Variants in GAB2 observed in about 807,000 individuals in gnomAD.
GAB2 encodes the protein GRB2 associated binding protein 2.
GAB2 carries 26 observed loss-of-function variants against 65.5 expected under a neutral mutation model. The observed-to-expected ratio is 0.40, with a 90% CI of 0.29 to 0.55. GAB2 has a LOEUF of 0.55. GAB2 is among the 20% of genes least tolerant of loss of function. GAB2 has a pLI of 0.53. For missense variants in GAB2, 884 were observed against 875.8 expected, an observed-to-expected ratio of 1.01 and a Z score of -0.12; for synonymous variants, 321 against 329.6, an observed-to-expected ratio of 0.97 and a Z score of 0.28.
At position 78,280,913 on chromosome 11, in the gene GAB2, CAGGA is replaced by C; in HGVS notation, c.76-16_76-13del. 1 of 1,608,220 alleles carries C rather than the reference CAGGA, an allele frequency of 6.2e-7. No individual in the cohort carries two copies. The highest frequency in any genetic ancestry group is 8.5e-7 in the Non-Finnish European group (1 of 1,175,382). On this transcript the variant is annotated splice_polypyrimidine_tract_variant and intron_variant, in intron 1 of 9. Transcript: ENST00000361507. Reference sequence around the variant, plus strand: ...CGTTTCTTCCAGGCCTAAATCATATCAGGAAGGAGTAAGAAGAGGGGGAAGAAGT... The same window carrying C: ...CGTTTCTTCCAGGCCTAAATCATATCAGGAGTAAGAAGAGGGGGAAGAAGT...
At position 78,226,458 on chromosome 11, in the gene GAB2, T is replaced by C. The variant is rs771557866; in HGVS notation, c.1207+7A>G. 5.0e-6 allele frequency: 8 copies of C among 1,607,404 alleles called. No individual in the cohort carries two copies. Among genetic ancestry groups the C allele is most frequent in the Admixed American group, 3.3e-5 (2 of 60,006 alleles). ...CCCTCTGAGTCTCAGCTAGGACTTA[T>C]ACTGACCTCGGTGAAGTCGGCTGTT... On this transcript the variant is annotated splice_region_variant and intron_variant, in intron 4 of 9. Transcript: ENST00000361507.
intron 1 of GAB2, among the ~76,000 whole-genome samples, chr11:78,360,208 T>C (rs201619640): frequency 2.0e-5 from 3 of 152,238 alleles, no homozygotes; most frequent in East Asian, 3.9e-4. Flanking sequence ...TCTCCTGAAC[T>C]GTAAGACGAT....
chr11:78,253,116 T>C (rs1262365281), intron 2 of GAB2, among the ~76,000 whole-genome samples: 1 of 149,662 alleles, frequency 6.7e-6, no homozygotes, highest in Non-Finnish European at 1.5e-5. Flanking sequence ...GTTCAAGTGA[T>C]ACTCCGGCCT....
Position 78,221,717 on chromosome 11 carries a change from C to T in GAB2, c.1721G>A (p.Ser574Asn), listed in dbSNP as rs2134455232. 1 of 1,613,612 alleles carries T rather than the reference C, an allele frequency of 6.2e-7. No individual in the cohort carries two copies. Among genetic ancestry groups the T allele is most frequent in the Non-Finnish European group, 8.5e-7 (1 of 1,179,658 alleles). ...CTCTTCGCTGTCTCCTGAGTCTGTG[C>T]TGGTGATGCTCTGGGTGGAGATGGG... ...CRPISTQSIT[S>N]TDSGDSEENY... Residue 574 changes from serine (S) to asparagine (N), a missense_variant, in exon 8 of 10, where the codon AGC becomes AAC. Physicochemically the swap from Ser to Asn is conservative, Grantham distance 46 (BLOSUM62 1). Coordinates refer to ENST00000361507, the MANE Select transcript of GAB2 (RefSeq NM_080491.3).
At chr11:78,230,824 T>C (rs551782496) in intron 3 of GAB2, among the ~76,000 whole-genome samples, 5 of 152,352 alleles carry the variant, frequency 3.3e-5, no homozygotes, top group African/African-American at 1.2e-4. Context: ...TGTGGTCCCT[T>C]TGGGCAATAA....
intron 1 of GAB2, among the ~76,000 whole-genome samples, chr11:78,334,391 T>C (rs781441750): frequency 2.0e-5 from 3 of 152,134 alleles, no homozygotes; most frequent in Non-Finnish European, 4.4e-5. Flanking sequence ...CATCCCCACC[T>C]CTCTTACCAC....
intron 1 of GAB2, among the ~76,000 whole-genome samples, chr11:78,284,561 TTAGTC>T (rs1354087675): frequency 1.3e-5 from 2 of 152,188 alleles, no homozygotes; most frequent in African/African-American, 4.8e-5. Context: ...CTCACGGTCT[TTAGTC>T]TAGTTGTTTC....
At chr11:78,307,604 TAGAGAGAG>T (rs59402607) in intron 1 of GAB2, among the ~76,000 whole-genome samples, 4 of 121,938 alleles carry the variant, frequency 3.3e-5, no homozygotes, top group East Asian at 2.5e-4. Flanking sequence ...CAAAAAATGT[TAGAGAGAG>T]AGAGAGAGAG....
chr11:78,392,397 G>A (rs936479423), intron 1 of GAB2: 2 of 152,192 alleles, frequency 1.3e-5, no homozygotes, highest in East Asian at 1.9e-4. Flanking sequence ...AAACATTTCA[G>A]TTGTTAGGAA....
At chr11:78,353,216 G>A (rs188117091) in intron 1 of GAB2, among the ~76,000 whole-genome samples, 5 of 152,242 alleles carry the variant, frequency 3.3e-5, no homozygotes, top group South Asian at 2.1e-4. Context: ...TGAGGTGGGC[G>A]GATCACTTGA....
intron 1 of GAB2, among the ~76,000 whole-genome samples, chr11:78,383,158 G>T (rs1362942592): frequency 6.6e-6 from 1 of 152,152 alleles, no homozygotes; most frequent in East Asian, 1.9e-4. Context: ...TGTAGTCCCA[G>T]CTACTTGGGA....
intron 1 of GAB2, among the ~76,000 whole-genome samples, chr11:78,348,457 T>C (rs1856225097): frequency 6.6e-6 from 1 of 152,200 alleles, no homozygotes; most frequent in Admixed American, 6.5e-5. Flanking sequence ...CAAAAGAAGA[T>C]AGTATACAAA....
In GAB2 at chr11:78,367,821, C is replaced by CTTT. The variant is rs569887849; in HGVS notation, c.75+49822_75+49824dup. Among the ~76,000 whole-genome samples the CTTT allele has an allele frequency of 3.4e-3, 399 of 116,078 alleles. 9 individuals carry two copies. Among genetic ancestry groups the CTTT allele is most frequent in the African/African-American group, 0.011 (357 of 31,048 alleles). 76.2% of individuals were successfully genotyped at this position (116,078 alleles called of 152,430 possible). On this transcript the variant is annotated intron_variant, in intron 1 of 9. Coordinates refer to ENST00000361507, the MANE Select transcript of GAB2 (RefSeq NM_080491.3). ...TATGTCAGTGCTTAATTTTCTTTTT[C>CTTT]TTTTTTTTTTTTTTTTTTTTTGAGA...
At chr11:78,331,467 G>C (rs540919999) in intron 1 of GAB2, among the ~76,000 whole-genome samples, 1 of 151,922 alleles carries the variant, frequency 6.6e-6, no homozygotes, top group Non-Finnish European at 1.5e-5. Flanking sequence ...GGAGGGTCTC[G>C]ATCTTCTGAC....
intron 3 of GAB2, among the ~76,000 whole-genome samples, chr11:78,238,125 T>C (rs1387167284): frequency 6.8e-6 from 1 of 147,070 alleles, no homozygotes; most frequent in African/African-American, 2.5e-5. Flanking sequence ...TAAACTACCA[T>C]GGCACATGTT....
At chr11:78,403,211 C>T (rs900962487) in intron 1 of GAB2, among the ~76,000 whole-genome samples, 1 of 152,172 alleles carries the variant, frequency 6.6e-6, no homozygotes, top group African/African-American at 2.4e-5. Context: ...TCAAGGATAG[C>T]AAATCACTTA....
At chr11:78,354,201 A>G (rs927565591) in intron 1 of GAB2, among the ~76,000 whole-genome samples, 1 of 152,258 alleles carries the variant, frequency 6.6e-6, no homozygotes, top group African/African-American at 2.4e-5. Context: ...TGTGTTCCAG[A>G]GACCATGATT....
intron 2 of GAB2, among the ~76,000 whole-genome samples, chr11:78,276,590 T>A (rs1866177541): frequency 6.6e-6 from 1 of 152,142 alleles, no homozygotes; most frequent in South Asian, 2.1e-4. Context: ...GTACTCAGAC[T>A]CTACTGTTCA....
At chr11:78,241,538 G>A (rs1477478744) in intron 3 of GAB2, among the ~76,000 whole-genome samples, 1 of 147,884 alleles carries the variant, frequency 6.8e-6, no homozygotes, top group Non-Finnish European at 1.5e-5. Context: ...TGAGGTACAA[G>A]AAAACACACA....
Sources: gnomAD v4.1 joint callset for allele counts (sites outside exome capture counted in the v4.1 genomes callset) on GRCh38, gnomAD v4.1.1 for gene constraint, MANE v1.5 for transcripts, NCBI Gene and HGNC (gene_info 2026-07-23, HGNC 2026-07-21) for gene names.